Variants in IMPG1 observed in about 807,000 individuals in gnomAD.
IMPG1 encodes interphotoreceptor matrix proteoglycan of 150 kDa.
In IMPG1, 85 loss-of-function variants were observed where a neutral mutation model predicts 92.0. The observed-to-expected ratio is 0.92, with a 90% confidence interval of 0.78 to 1.11. The LOEUF (loss-of-function observed/expected upper bound fraction) is 1.11. Ranked by LOEUF, IMPG1 falls within the 50% of genes least tolerant of loss-of-function variation. IMPG1 has a pLI of 0.00. For synonymous variants in IMPG1, 367 were observed against 334.1 expected, an observed-to-expected ratio of 1.10 and a Z score of -1.08; for missense variants, 1,022 against 956.0, an observed-to-expected ratio of 1.07 and a Z score of -0.91.
intron 15 of IMPG1, among the ~76,000 whole-genome samples, chr6:75,927,059 C>T (rs1176493468): frequency 1.3e-5 from 2 of 152,050 alleles, no homozygotes; most frequent in Non-Finnish European, 1.5e-5. Context: ...AGTTGCAGCA[C>T]TTGGTGTTCT....
chr6:76,003,873 C>A lies in IMPG1; in HGVS notation c.1212+1G>T, dbSNP rs1783043597. ...AAAGAACAAAAGGACAACAAACTTACCTCTGTTATAACAGCAAAAGATGTG... is the reference window on the plus strand; with the variant it reads ...AAAGAACAAAAGGACAACAAACTTAACTCTGTTATAACAGCAAAAGATGTG... On this transcript the variant is annotated splice_donor_variant, in intron 11 of 16. Transcript: ENST00000369950. LOFTEE classifies it high-confidence loss of function. The A allele has an allele frequency of 3.1e-6, 5 of 1,608,650 alleles. No homozygotes were observed. In the East Asian group the frequency reaches 9.0e-5, roughly 29 times the overall value.
At chr6:75,948,827 G>A (rs1343011656) in intron 13 of IMPG1, among the ~76,000 whole-genome samples, 2 of 152,084 alleles carry the variant, frequency 1.3e-5, no homozygotes, top group Non-Finnish European at 2.9e-5. Context: ...ATATGATGTG[G>A]GCAACTTTGG....
chr6:76,064,050 A>G (rs974732596), intron 1 of IMPG1, among the ~76,000 whole-genome samples: 9 of 152,146 alleles, frequency 5.9e-5, no homozygotes, highest in African/African-American at 1.9e-4. Context: ...GGGACTACTC[A>G]TCTCCCTACC....
At chr6:75,944,204 A>C (rs1406785861) in intron 14 of IMPG1, among the ~76,000 whole-genome samples, 1 of 152,166 alleles carries the variant, frequency 6.6e-6, no homozygotes, top group Non-Finnish European at 1.5e-5. Flanking sequence ...GTCAGTGACT[A>C]TTCCCTGTGC....
intron 1 of IMPG1, among the ~76,000 whole-genome samples, chr6:76,070,965 A>G (rs1383220745): frequency 5.9e-5 from 9 of 152,078 alleles, no homozygotes; most frequent in African/African-American, 2.2e-4. Flanking sequence ...CCCTAAATCT[A>G]TATTTAAAAA....
chr6:75,964,151 T>C (rs1370274014), intron 12 of IMPG1, among the ~76,000 whole-genome samples: 1 of 152,154 alleles, frequency 6.6e-6, no homozygotes, highest in African/African-American at 2.4e-5. Flanking sequence ...AGAATGCATA[T>C]AGTTCTGGGC....
intron 1 of IMPG1, among the ~76,000 whole-genome samples, chr6:76,060,512 CAA>C (rs1784188207): frequency 6.6e-6 from 1 of 152,166 alleles, no homozygotes; most frequent in Admixed American, 6.6e-5. Context: ...GCGTTGGACT[CAA>C]AGCAGAGTGC....
chr6:76,005,805 G>A (rs1783085894), intron 9 of IMPG1, among the ~76,000 whole-genome samples: 1 of 151,738 alleles, frequency 6.6e-6, no homozygotes, highest in African/African-American at 2.4e-5. Flanking sequence ...AGTGACCATA[G>A]ATTTTTACTT....
chr6:76,014,183 C>A (rs1405144265), intron 7 of IMPG1, among the ~76,000 whole-genome samples: 1 of 152,196 alleles, frequency 6.6e-6, no homozygotes, highest in African/African-American at 2.4e-5. Flanking sequence ...CACAGCTGGG[C>A]AGTTAGTGAT....
chr6:75,967,702 G>T (rs1030750598), intron 12 of IMPG1, among the ~76,000 whole-genome samples: 11 of 152,138 alleles, frequency 7.2e-5, no homozygotes, highest in African/African-American at 2.7e-4. Context: ...AAACATGTGG[G>T]TATCTAGTTA....
intron 5 of IMPG1, among the ~76,000 whole-genome samples, chr6:76,023,974 A>G (rs563395303): frequency 6.6e-6 from 1 of 152,282 alleles, no homozygotes; most frequent in Non-Finnish European, 1.5e-5. Context: ...CCTCCTCTAA[A>G]TAATACCTTT....
At chr6:75,999,462 T>C (rs1348334135) in intron 12 of IMPG1, among the ~76,000 whole-genome samples, 2 of 152,188 alleles carry the variant, frequency 1.3e-5, no homozygotes, top group African/African-American at 2.4e-5. Flanking sequence ...GTGCAGGATT[T>C]TGGAGCCCTA....
Position 76,042,003 on chromosome 6 carries a change from G to C in IMPG1, c.191C>G (p.Ala64Gly). ...MSTMRRIFDLAKHRTKRSAFF... is the reference protein window; with the variant it reads ...MSTMRRIFDLGKHRTKRSAFF... ...TGCGGATCTTTTTGTTCGATGCTTT[G>C]CCAAATCGAATATTCGTCTCATAGT... Residue 64 changes from alanine (A) to glycine (G), a missense_variant, in exon 2 of 17, where the codon GCA becomes GGA. By Grantham distance (60) the Ala-to-Gly change is moderately conservative. Coordinates refer to ENST00000369950, the MANE Select transcript of IMPG1 (RefSeq NM_001563.4). 6.2e-7 allele frequency: 1 copy of C among 1,613,312 alleles called. No homozygotes were observed. Among genetic ancestry groups the C allele is most frequent in the Non-Finnish European group, 8.5e-7 (1 of 1,179,320 alleles).
intron 12 of IMPG1, among the ~76,000 whole-genome samples, chr6:75,977,865 C>T (rs1158476990): frequency 2.0e-5 from 3 of 152,050 alleles, no homozygotes; most frequent in Non-Finnish European, 2.9e-5. Flanking sequence ...AGTAATTTCA[C>T]TCTTTGAAAA....
intron 12 of IMPG1, among the ~76,000 whole-genome samples, chr6:75,965,809 G>T (rs542681354): frequency 6.6e-6 from 1 of 151,736 alleles, no homozygotes; most frequent in Non-Finnish European, 1.5e-5. Context: ...GGGTTTCACC[G>T]TGTTAGCCAG....
intron 15 of IMPG1, among the ~76,000 whole-genome samples, chr6:75,929,861 G>T (rs1231294342): frequency 6.6e-6 from 1 of 151,756 alleles, no homozygotes; most frequent in Non-Finnish European, 1.5e-5. Context: ...CTTTTCACGT[G>T]GATATCTGGT....
intron 12 of IMPG1, among the ~76,000 whole-genome samples, chr6:75,996,002 G>A (rs921759310): frequency 7.2e-4 from 110 of 152,212 alleles, no homozygotes; most frequent in African/African-American, 2.6e-3. Flanking sequence ...ATAAATGAAT[G>A]ATCACAGCAT....
At chr6:76,020,275 G>A (rs1370828574) in intron 6 of IMPG1, among the ~76,000 whole-genome samples, 1 of 152,074 alleles carries the variant, frequency 6.6e-6, no homozygotes, top group African/African-American at 2.4e-5. Context: ...CTGATCTTGA[G>A]CTCCTGGGCT....
At chr6:75,933,450 A>G (rs6929742) in intron 14 of IMPG1, among the ~76,000 whole-genome samples, 22,851 of 152,262 alleles carry the variant, frequency 0.15, 1,838 homozygotes, top group South Asian at 0.22. Flanking sequence ...TGGGCTTACT[A>G]TAATTGCTTG....
Sources: allele counts gnomAD v4.1 joint callset (sites outside exome capture counted in the v4.1 genomes callset), GRCh38; gene constraint gnomAD v4.1.1; transcripts MANE v1.5; gene names NCBI Gene and HGNC (gene_info 2026-07-23, HGNC 2026-07-21).